RTL4: variants seen among roughly 807,000 people sequenced by gnomAD.
RTL4 encodes the protein retrotransposon Gag like 4.
In RTL4, 4 loss-of-function variants were observed where a neutral mutation model predicts 5.3. That is an observed-to-expected ratio of 0.75 (90% confidence interval 0.37 to 1.72). RTL4 has a LOEUF of 1.72. Among genes scored for constraint, RTL4 ranks in the 40% most tolerant of loss-of-function variants. The pLI, the probability that RTL4 is intolerant of heterozygous loss-of-function variation, is 0.04. For synonymous variants in RTL4, 98 were observed against 87.3 expected, an observed-to-expected ratio of 1.12 and a Z score of -0.68; for missense variants, 260 against 227.1, an observed-to-expected ratio of 1.14 and a Z score of -0.93.
chrX:112,348,727 G>T, the RTL4 span, among the ~76,000 whole-genome samples: 1 of 110,064 alleles, frequency 9.1e-6, no homozygotes, highest in Admixed American at 9.9e-5. Context: ...TATATGTGTT[G>T]GTGCCTTTTC....
chrX:112,117,220 CTATT>C, the RTL4 span, among the ~76,000 whole-genome samples: 1 of 109,024 alleles, frequency 9.2e-6, no homozygotes, highest in Admixed American at 9.9e-5. Context: ...GGTAAATACA[CTATT>C]TACCACATAA....
the RTL4 span, among the ~76,000 whole-genome samples, chrX:112,155,669 C>T: frequency 1.5e-3 from 170 of 111,515 alleles, no homozygotes; most frequent in African/African-American, 5.2e-3. Flanking sequence ...ACAAAACTCA[C>T]AGTTTTTAAC....
the RTL4 span, among the ~76,000 whole-genome samples, chrX:112,307,008 G>A: frequency 9.0e-6 from 1 of 110,977 alleles, no homozygotes; most frequent in Non-Finnish European, 1.9e-5. Context: ...TGCCGCCTCT[G>A]GGATCCCAGT....
the RTL4 span, among the ~76,000 whole-genome samples, chrX:112,150,417 G>A: frequency 8.1e-5 from 9 of 111,284 alleles, no homozygotes; most frequent in East Asian, 2.8e-4. Flanking sequence ...ATGAATTGCC[G>A]TCTCACCTGT....
the RTL4 span, among the ~76,000 whole-genome samples, chrX:112,346,905 G>A: frequency 1.8e-5 from 2 of 111,483 alleles, no homozygotes; most frequent in Non-Finnish European, 3.8e-5. Flanking sequence ...CTGAACCACT[G>A]GAAAATATTG....
chrX:112,456,020 G>C (rs1024003512), exon 1 of RTL4: 1 of 281,646 alleles, frequency 3.6e-6, no homozygotes, highest in African/African-American at 2.8e-5. Flanking sequence ...GGTTGAGTTT[G>C]TGTCCCAAAT....
the RTL4 span, among the ~76,000 whole-genome samples, chrX:112,210,425 GA>G: frequency 3.0e-3 from 332 of 110,976 alleles, 1 homozygote; most frequent in African/African-American, 0.01. Flanking sequence ...TGAATAAATG[GA>G]AAAAAAACAC....
the RTL4 span, among the ~76,000 whole-genome samples, chrX:112,107,926 C>T: frequency 9.0e-6 from 1 of 111,506 alleles, no homozygotes; most frequent in Admixed American, 9.5e-5. Flanking sequence ...ACTTTTGTAT[C>T]TTTTTTACCT....
the RTL4 span, among the ~76,000 whole-genome samples, chrX:112,108,880 A>C: frequency 2.7e-5 from 3 of 111,316 alleles, no homozygotes; most frequent in Non-Finnish European, 5.7e-5. Context: ...GACAGGTCTG[A>C]AGGCTCAGTC....
the RTL4 span, among the ~76,000 whole-genome samples, chrX:112,337,109 G>A: frequency 9.0e-5 from 10 of 111,358 alleles, no homozygotes; most frequent in South Asian, 7.5e-4. Context: ...TCTTACTTTA[G>A]CCTGTTAGAA....
At chrX:112,295,372 C>T in the RTL4 span, among the ~76,000 whole-genome samples, 1 of 111,947 alleles carries the variant, frequency 8.9e-6, no homozygotes, top group Non-Finnish European at 1.9e-5. Context: ...TGGTCCTGCT[C>T]AAGAGGTTCC....
At chrX:112,359,123 A>T in the RTL4 span, among the ~76,000 whole-genome samples, 3 of 111,523 alleles carry the variant, frequency 2.7e-5, no homozygotes, top group African/African-American at 9.8e-5. Context: ...TATGTTTTTT[A>T]AAAAATCTAG....
the RTL4 span, among the ~76,000 whole-genome samples, chrX:112,391,491 T>G: frequency 9.0e-6 from 1 of 110,811 alleles, no homozygotes; most frequent in African/African-American, 3.3e-5. Flanking sequence ...ATGGTCTATT[T>G]TTATGAATGT....
the RTL4 span, among the ~76,000 whole-genome samples, chrX:112,417,112 G>A: frequency 2.7e-5 from 3 of 111,452 alleles, no homozygotes; most frequent in Non-Finnish European, 5.6e-5. Flanking sequence ...GGCACATCTT[G>A]AGTCTAGGCT....
At chrX:112,134,787 A>C in the RTL4 span, among the ~76,000 whole-genome samples, 153 of 111,799 alleles carry the variant, frequency 1.4e-3, no homozygotes, top group African/African-American at 4.6e-3. Flanking sequence ...CTAGATTTTT[A>C]TGTAAGTGGA....
the RTL4 span, among the ~76,000 whole-genome samples, chrX:112,275,419 CCAT>C: frequency 9.0e-6 from 1 of 111,338 alleles, no homozygotes; most frequent in African/African-American, 3.3e-5. Context: ...GACTCTTTTA[CCAT>C]CATCTTCTCC....
chrX:112,139,827 GCA>G, the RTL4 span, among the ~76,000 whole-genome samples: 1 of 111,868 alleles, frequency 8.9e-6, no homozygotes, highest in Non-Finnish European at 1.9e-5. Context: ...AATCATGAGT[GCA>G]GTTTCCCCCG....
At chrX:112,258,001 GT>G in the RTL4 span, among the ~76,000 whole-genome samples, 1 of 108,137 alleles carries the variant, frequency 9.2e-6, no homozygotes, top group Non-Finnish European at 1.9e-5. Flanking sequence ...TTGAAAGGTT[GT>G]TTTTGTAATT....
the RTL4 span, among the ~76,000 whole-genome samples, chrX:112,131,082 A>C: frequency 4.6e-5 from 5 of 109,732 alleles, no homozygotes; most frequent in Non-Finnish European, 7.6e-5. Flanking sequence ...TACAGGCGTG[A>C]GCCACTGCGC....
Sources: gnomAD v4.1 joint callset for allele counts (sites outside exome capture counted in the v4.1 genomes callset) on GRCh38, gnomAD v4.1.1 for gene constraint, MANE v1.5 for transcripts, NCBI Gene and HGNC (gene_info 2026-07-23, HGNC 2026-07-21) for gene names.